AVEN: variants seen among roughly 807,000 people sequenced by gnomAD.
AVEN encodes cell death regulator Aven.
A neutral mutation model predicts 38.1 loss-of-function variants in AVEN; 41 were observed. The observed-to-expected ratio is 1.08, with a 90% CI of 0.84 to 1.40. The LOEUF (loss-of-function observed/expected upper bound fraction) is 1.40, where lower values mean the gene tolerates loss of function less well. Among genes scored for constraint, AVEN ranks in the 40% most tolerant of loss-of-function variants. The pLI is 0.00. For missense variants in AVEN, 605 were observed against 438.8 expected (o/e 1.38, Z -3.38); for synonymous variants, 206 against 171.8 (o/e 1.20, Z -1.56).
intron 2 of AVEN, among the ~76,000 whole-genome samples, chr15:33,931,583 G>A (rs567818774): frequency 6.6e-6 from 1 of 152,008 alleles, no homozygotes; most frequent in East Asian, 1.9e-4. Flanking sequence ...TGTTAGCCAG[G>A]ATGGTCTTGA....
At chr15:33,878,098 A>C (rs1891325113) in intron 2 of AVEN, among the ~76,000 whole-genome samples, 1 of 152,214 alleles carries the variant, frequency 6.6e-6, no homozygotes, top group Non-Finnish European at 1.5e-5. Flanking sequence ...AGGAAGACAA[A>C]AAACTCAACA....
chr15:33,873,448 A>T (rs1891084108), intron 3 of AVEN, among the ~76,000 whole-genome samples: 1 of 149,270 alleles, frequency 6.7e-6, no homozygotes, highest in South Asian at 2.1e-4. Flanking sequence ...ATGGGATGGT[A>T]TAAGGAACAA....
At chr15:33,959,548 G>C (rs12591196) in intron 2 of AVEN, among the ~76,000 whole-genome samples, 41,215 of 151,858 alleles carry the variant, frequency 0.27, 7,408 homozygotes, top group African/African-American at 0.51. Flanking sequence ...CTACCTAGGG[G>C]CAGAGGGAGG....
Position 34,070,604 on chromosome 15 carries a change from C to T in AVEN, n.768G>A, listed in dbSNP as rs1597398975. Among the ~76,000 whole-genome samples, 3 of 152,210 alleles carry T rather than the reference C, an allele frequency of 2.0e-5. No homozygotes were observed. In the East Asian group the frequency reaches 5.8e-4, roughly 29 times the overall value. On this transcript the variant is annotated non_coding_transcript_exon_variant, in exon 2 of 12. Transcript: ENST00000675287. The stretch of plus-strand genomic sequence containing the variant: ...AATGGGTACCTTTATGAAGTGATCA[C>T]TTGGATACAGGGTGCTAGAGCTCTC...
chr15:33,853,449 C>T, the AVEN span: 1 of 1,373,120 alleles, frequency 7.3e-7, no homozygotes, highest in South Asian at 1.7e-5. Flanking sequence ...TTCATCTACC[C>T]CTTGGAAGAT....
chr15:34,027,960 C>A (rs951192581), intron 1 of AVEN, among the ~76,000 whole-genome samples: 3 of 152,070 alleles, frequency 2.0e-5, no homozygotes, highest in Non-Finnish European at 4.4e-5. Context: ...TGGTCATGCG[C>A]AGAAAAGATC....
chr15:34,058,336 C>T (rs1336663859), intron 5 of AVEN, among the ~76,000 whole-genome samples: 2 of 152,058 alleles, frequency 1.3e-5, no homozygotes, highest in Non-Finnish European at 2.9e-5. Flanking sequence ...TAAAAAATTA[C>T]AGGAGGTCAT....
upstream of AVEN, among the ~76,000 whole-genome samples, chr15:34,043,248 A>G (rs1311182360): frequency 7.1e-6 from 1 of 139,942 alleles, no homozygotes. Flanking sequence ...ATCCGTCTCA[A>G]AAAAAAAAAA....
intron 1 of AVEN, among the ~76,000 whole-genome samples, chr15:34,023,786 C>T (rs1898315915): frequency 6.6e-6 from 1 of 152,090 alleles, no homozygotes; most frequent in Non-Finnish European, 1.5e-5. Context: ...ACTAAAAAGA[C>T]CTAATCTATA....
chr15:34,038,739 A>G (rs914515068), intron 1 of AVEN, 41 bp downstream of exon 1: 3 of 1,139,760 alleles, frequency 2.6e-6, no homozygotes, highest in African/African-American at 3.3e-5. Flanking sequence ...CACTTGCCCC[A>G]GTTACACGCG....
At chr15:33,907,930 C>T (rs1462056793) in intron 2 of AVEN, among the ~76,000 whole-genome samples, 1 of 151,986 alleles carries the variant, frequency 6.6e-6, no homozygotes, top group Non-Finnish European at 1.5e-5. Context: ...CAAAATGCAT[C>T]TAACTACATA....
At chr15:34,054,723 G>A (rs144704791) in intron 5 of AVEN, among the ~76,000 whole-genome samples, 2 of 152,222 alleles carry the variant, frequency 1.3e-5, no homozygotes, top group Non-Finnish European at 2.9e-5. Flanking sequence ...AGAAGAATAG[G>A]TAATAGATGT....
At chr15:33,870,696 C>CA (rs1890908385) in intron 4 of AVEN, among the ~76,000 whole-genome samples, 1 of 152,146 alleles carries the variant, frequency 6.6e-6, no homozygotes, top group South Asian at 2.1e-4. Context: ...TTATATTTTA[C>CA]ATTTCACTCA....
At chr15:33,931,637 G>A (rs1479073652) in intron 2 of AVEN, among the ~76,000 whole-genome samples, 1 of 152,086 alleles carries the variant, frequency 6.6e-6, no homozygotes, top group Non-Finnish European at 1.5e-5. Flanking sequence ...CCCAAGTGCT[G>A]GGATTACAGG....
downstream of AVEN, among the ~76,000 whole-genome samples, chr15:33,863,318 C>G (rs74698421): frequency 0.032 from 4,932 of 152,180 alleles, 160 homozygotes; most frequent in Non-Finnish European, 0.039. Context: ...AAATGAGAAG[C>G]GGAAAGGCAG....
chr15:33,874,789 G>A (rs1341002970), intron 3 of AVEN, among the ~76,000 whole-genome samples: 3 of 152,140 alleles, frequency 2.0e-5, no homozygotes, highest in African/African-American at 7.2e-5. Flanking sequence ...GAATGACGAA[G>A]CTTAGAATTA....
In AVEN at chr15:33,893,204, C is replaced by G. The variant is rs941965996; in HGVS notation, c.446-17209G>C. On this transcript the variant is annotated intron_variant, in intron 2 of 5. Coordinates refer to ENST00000306730, the MANE Select transcript of AVEN (RefSeq NM_020371.3). ...ACTTCTTCTTTTCCTAACTGAATAC[C>G]CTTTATTTCTTTCTCCTGCCTGATT... 3.9e-5 allele frequency among the ~76,000 whole-genome samples: 6 copies of G among 152,288 alleles called. No individual in the cohort carries two copies. In the East Asian group the frequency reaches 7.7e-4, roughly 20 times the overall value.
chr15:33,868,011 G>A (rs1157758991), intron 4 of AVEN, among the ~76,000 whole-genome samples, 156 bp from the exon 5 acceptor site: 1 of 152,156 alleles, frequency 6.6e-6, no homozygotes, highest in South Asian at 2.1e-4. Context: ...GCCCTGGTGG[G>A]GGCACCCTTC....
At chr15:33,918,307 CTACT>C (rs1330034843) in intron 2 of AVEN, among the ~76,000 whole-genome samples, 1 of 152,106 alleles carries the variant, frequency 6.6e-6, no homozygotes, top group East Asian at 1.9e-4. Flanking sequence ...CATTTAGCTC[CTACT>C]ATGTACTTTT....
Sources: gnomAD v4.1 joint callset for allele counts (sites outside exome capture counted in the v4.1 genomes callset) on GRCh38, gnomAD v4.1.1 for gene constraint, MANE v1.5 for transcripts, NCBI Gene and HGNC (gene_info 2026-07-23, HGNC 2026-07-21) for gene names.